FAM234A: variants seen among roughly 807,000 people sequenced by gnomAD.
FAM234A encodes the protein protein FAM234A.
A neutral mutation model predicts 49.1 loss-of-function variants in FAM234A; 42 were observed. The observed-to-expected ratio is 0.86, with a 90% CI of 0.67 to 1.11. The LOEUF is 1.11. FAM234A is among the 50% of genes least tolerant of loss of function. The probability of loss-of-function intolerance (pLI) is 0.00; values close to 1 mark genes in which losing one functional copy is unlikely to be tolerated. For missense variants in FAM234A, 815 were observed against 745.2 expected (o/e 1.09, Z -1.09); for synonymous variants, 369 against 316.2 (o/e 1.17, Z -1.77).
At chr16:260,971 C>T (rs556216141) in intron 5 of FAM234A, among the ~76,000 whole-genome samples, 11 of 152,216 alleles carry the variant, frequency 7.2e-5, no homozygotes, top group South Asian at 2.1e-4. Flanking sequence ...ACCAAGGGCA[C>T]GCCTGCAACC....
In FAM234A at chr16:264,011, C is replaced by T. The variant is rs774493137; in HGVS notation, c.1189-5C>T. On this transcript the variant is annotated splice_region_variant and splice_polypyrimidine_tract_variant and intron_variant, in intron 10 of 12. Coordinates refer to ENST00000399932, the MANE Select transcript of FAM234A (RefSeq NM_032039.4). ...TGGCCCCCACAGTGTCCCCTCCCTC[C>T]CCAGATCCTGTTTCTGGACCTTGGC... 2.8e-5 allele frequency: 45 copies of T among 1,610,184 alleles called. No individual in the cohort carries two copies. Among genetic ancestry groups the T allele is most frequent in the East Asian group, 2.2e-5 (1 of 44,846 alleles).
chr16:256,458 C>CATTCTTGCATCTTCTTTGGTGAATGTCT (rs1350381418), intron 3 of FAM234A, among the ~76,000 whole-genome samples: 2 of 152,118 alleles, frequency 1.3e-5, no homozygotes, highest in Non-Finnish European at 2.9e-5. Context: ...GAGTTTTAGC[C>CATTCTTGCATCTTCTTTGGTGAATGTCT]ATTCTTGCAT....
chr16:239,632 A>G (rs1483224127), intron 1 of FAM234A, among the ~76,000 whole-genome samples: 4 of 151,104 alleles, frequency 2.6e-5, no homozygotes, highest in Admixed American at 2.6e-4. Flanking sequence ...AAAAAAAAAA[A>G]TTAACACTAA....
chr16:261,165 G>A (rs1211058014), intron 5 of FAM234A: 5 of 506,578 alleles, frequency 9.9e-6, no homozygotes, highest in Non-Finnish European at 1.4e-5. Flanking sequence ...CTCCATACAC[G>A]GGCAGGACGT....
At chr16:260,339 A>G in intron 5 of FAM234A, 179 bp downstream of exon 5, 1 of 634,664 alleles carries the variant, frequency 1.6e-6, no homozygotes, top group Non-Finnish European at 2.8e-6. Flanking sequence ...TGGAAGGCAC[A>G]CGCCTCGGCT....
chr16:249,969 G>A (rs561631016), intron 2 of FAM234A, among the ~76,000 whole-genome samples: 41 of 150,498 alleles, frequency 2.7e-4, no homozygotes, highest in African/African-American at 7.7e-4. Flanking sequence ...CTTTTTAGAC[G>A]GAGTCTCGCT....
intron 8 of FAM234A, 134 bp downstream of exon 8, chr16:262,687 G>A: frequency 1.2e-6 from 1 of 811,076 alleles, no homozygotes; most frequent in Non-Finnish European, 1.8e-6. Flanking sequence ...GGTACCGCAA[G>A]GTCACCCTGG....
chr16:237,904 A>G (rs1442695621), intron 1 of FAM234A, among the ~76,000 whole-genome samples: 1 of 151,804 alleles, frequency 6.6e-6, no homozygotes, highest in African/African-American at 2.4e-5. Context: ...GGGTTTCACC[A>G]TGTTGGCTGG....
At chr16:260,662 G>A (rs1028105808) in intron 5 of FAM234A, 6 of 472,016 alleles carry the variant, frequency 1.3e-5, no homozygotes, top group African/African-American at 8.0e-5. Flanking sequence ...CCATGTGTGT[G>A]TGTGGGCTCC....
rs1364563534 is a variant in FAM234A at position 261,434 on chromosome 16, C to T, written c.628C>T (p.Leu210=). The T allele has an allele frequency of 1.2e-6, 2 of 1,613,714 alleles. No homozygotes were observed. Among genetic ancestry groups the T allele is most frequent in the South Asian group, 1.1e-5 (1 of 91,084 alleles). The stretch of plus-strand genomic sequence containing the variant: ...CAGCTTCAGCGGGAATGCGTCCATC[C>T]TGAGCCCTCTGCTGCAGGTGCCTGA... ...SSSFSGNASI[L]SPLLQVPDVD... Residue 210 remains leucine (L), a synonymous_variant, in exon 6 of 13, where the codon CTG becomes TTG. Coordinates refer to ENST00000399932, the MANE Select transcript of FAM234A (RefSeq NM_032039.4).
chr16:239,674 G>T (rs193199778), intron 1 of FAM234A, among the ~76,000 whole-genome samples: 27 of 151,926 alleles, frequency 1.8e-4, no homozygotes, highest in African/African-American at 5.6e-4. Context: ...ATCTGCCTTG[G>T]AATTCAGGAG....
In FAM234A at chr16:261,480, C is replaced by T; in HGVS notation, c.674C>T (p.Pro225Leu). ...CCTGATGTGGACGGCGATGGGGCCC[C>T]AGACCTGCTGGTTCTCACCCAGGAG... ...QVPDVDGDGA[P>L]DLLVLTQERE... The change falls in exon 6 of 13, where the codon CCA (proline) becomes CTA (leucine). Residue 225 changes from proline to leucine, a missense_variant. Transcript: ENST00000399932. 1 of 1,612,032 alleles carries T rather than the reference C, an allele frequency of 6.2e-7. No individual in the cohort carries two copies. Among genetic ancestry groups the T allele is most frequent in the Admixed American group, 1.7e-5 (1 of 59,894 alleles).
Position 259,500 on chromosome 16 carries a change from G to A in FAM234A, c.286G>A (p.Ala96Thr), listed in dbSNP as rs756011755. 3.1e-6 allele frequency: 5 copies of A among 1,603,176 alleles called. No homozygotes were observed. The East Asian group carries it at 1.1e-4, about 36-fold the overall frequency. ...TCTTTCAGTTATCTATGACTTTCTG[G>A]CTGTGGATGATATAAACGGGGACAG... ...YSAAVIYDFL[A>T]VDDINGDRIQ... Residue 96 changes from alanine (A) to threonine (T), a missense_variant, in exon 4 of 13, where the codon GCT becomes ACT. Ala to Thr is a moderately conservative substitution (Grantham distance 58). Transcript: ENST00000399932.
chr16:260,816 A>T (rs1455760513), intron 5 of FAM234A: 2 of 376,856 alleles, frequency 5.3e-6, no homozygotes, highest in Non-Finnish European at 5.6e-6. Context: ...TCTGTCTTTA[A>T]AAAAAGGTTT....
At chr16:242,550 A>G (rs1008178886) in intron 1 of FAM234A, among the ~76,000 whole-genome samples, 1 of 151,338 alleles carries the variant, frequency 6.6e-6, no homozygotes, top group African/African-American at 2.4e-5. Flanking sequence ...ATCCGTTTGA[A>G]TAACCATATA....
intron 2 of FAM234A, among the ~76,000 whole-genome samples, chr16:250,871 A>G (rs1182258317): frequency 2.0e-5 from 3 of 152,222 alleles, no homozygotes; most frequent in Non-Finnish European, 4.4e-5. Context: ...AGTTTTTACC[A>G]TGGCTGAAAA....
Position 264,716 on chromosome 16 carries a change from GGTGA to G in FAM234A, c.1447+4_1447+7del. The G allele has an allele frequency of 6.2e-7, 1 of 1,610,940 alleles. No individual in the cohort carries two copies. Among genetic ancestry groups the G allele is most frequent in the Non-Finnish European group, 8.5e-7 (1 of 1,179,550 alleles). ...CTCTACCCACATTGTCGCCTTTGAC[GGTGA>G]GTGTGGCCTCGGCCAGGGACCCGGG... On this transcript the variant is annotated splice_donor_variant and splice_donor_region_variant and intron_variant, in intron 12 of 12. Transcript: ENST00000399932. LOFTEE classifies it high-confidence loss of function.
rs780251461 is a variant in FAM234A, at chr16:260,003, G to A, written c.420G>A (p.Val140=). The A allele has an allele frequency of 1.2e-6, 2 of 1,613,674 alleles. No individual in the cohort carries two copies. The highest frequency in any genetic ancestry group is 1.7e-4 in the Middle Eastern group (1 of 5,872). Reference sequence around the variant, plus strand: ...CTCCCTGCACCTTTGCAGCTGCTGTGTCGGGGGCCAACGGCAGCACGCTCT... The same window carrying A: ...CTCCCTGCACCTTTGCAGCTGCTGTATCGGGGGCCAACGGCAGCACGCTCT... ...FSSPCTFAAA[V]SGANGSTLWE... Residue 140 remains valine, a synonymous_variant, in exon 5 of 13, where the codon GTG becomes GTA. Transcript: ENST00000399932.
chr16:268,696 G>C, downstream of FAM234A: 2 of 1,446,464 alleles, frequency 1.4e-6, no homozygotes, highest in Non-Finnish European at 1.9e-6. Flanking sequence ...CGCGTTTGGC[G>C]AGGGAGGAAT....
Sources: allele counts gnomAD v4.1 joint callset (sites outside exome capture counted in the v4.1 genomes callset), GRCh38; gene constraint gnomAD v4.1.1; transcripts MANE v1.5; gene names NCBI Gene and HGNC (gene_info 2026-07-23, HGNC 2026-07-21).